GPC6: variants seen among roughly 807,000 people sequenced by gnomAD.
GPC6 encodes glypican 6, also known as glypican-6.
GPC6 carries 14 observed loss-of-function variants against 55.2 expected under a neutral mutation model. The observed-to-expected ratio is 0.25, with a 90% CI of 0.17 to 0.40. The LOEUF (loss-of-function observed/expected upper bound fraction) is 0.40, where lower values mean the gene tolerates loss of function less well. Ranked by LOEUF, GPC6 falls within the 10% of genes least tolerant of loss-of-function variation. The pLI is 1.00. For synonymous variants in GPC6, 278 were observed against 259.6 expected, an observed-to-expected ratio of 1.07 and a Z score of -0.68; for missense variants, 641 against 708.5, an observed-to-expected ratio of 0.90 and a Z score of 1.08.
intron 1 of GPC6, among the ~76,000 whole-genome samples, chr13:93,358,636 G>T (rs953357542): frequency 2.0e-5 from 3 of 152,186 alleles, no homozygotes; most frequent in Non-Finnish European, 4.4e-5. Flanking sequence ...GGAATATGCA[G>T]TCATCAAATT....
intron 1 of GPC6, among the ~76,000 whole-genome samples, chr13:93,472,969 G>A (rs184714657): frequency 7.4e-4 from 112 of 152,306 alleles, no homozygotes; most frequent in Non-Finnish European, 1.2e-3. Flanking sequence ...ACTCAAAGGA[G>A]AGAGGGTAGC....
At chr13:93,566,365 G>A (rs987260922) in intron 2 of GPC6, among the ~76,000 whole-genome samples, 17 of 152,264 alleles carry the variant, frequency 1.1e-4, no homozygotes, top group South Asian at 2.1e-4. Flanking sequence ...TAATGACAAC[G>A]TCAAATAAAT....
chr13:93,769,433 C>CA (rs11423382), intron 2 of GPC6, among the ~76,000 whole-genome samples: 75,211 of 133,452 alleles, frequency 0.56, 21,394 homozygotes, highest in Middle Eastern at 0.74. Context: ...CTGCACGTGA[C>CA]AAAAAAAAAA....
chr13:93,500,712 C>T (rs1419601835), intron 1 of GPC6, among the ~76,000 whole-genome samples: 2 of 152,068 alleles, frequency 1.3e-5, no homozygotes, highest in African/African-American at 4.8e-5. Flanking sequence ...CTTGTTCTTG[C>T]ACCATGAGAG....
At chr13:93,406,395 G>A (rs1876291258) in intron 1 of GPC6, among the ~76,000 whole-genome samples, 1 of 152,154 alleles carries the variant, frequency 6.6e-6, no homozygotes, top group Admixed American at 6.6e-5. Context: ...GCGCCTGGAT[G>A]GAAAATTCAG....
intron 1 of GPC6, among the ~76,000 whole-genome samples, chr13:93,272,714 TAA>T (rs1877578731): frequency 1.3e-5 from 2 of 152,132 alleles, no homozygotes; most frequent in Non-Finnish European, 2.9e-5. Flanking sequence ...AATGAGGTCA[TAA>T]ATATTCATCT....
intron 4 of GPC6, among the ~76,000 whole-genome samples, chr13:94,262,318 A>C (rs1183458036): frequency 6.6e-6 from 1 of 152,168 alleles, no homozygotes; most frequent in Non-Finnish European, 1.5e-5. Context: ...TACCTAGTTC[A>C]GTCAGAGCAA....
intron 6 of GPC6, among the ~76,000 whole-genome samples, chr13:94,374,735 C>T (rs1879755018): frequency 1.4e-5 from 2 of 145,308 alleles, no homozygotes; most frequent in Admixed American, 1.4e-4. Flanking sequence ...CAGAACTCTC[C>T]ACCCCAAATC....
intron 1 of GPC6, among the ~76,000 whole-genome samples, chr13:93,481,484 G>GTTA (rs1237771623): frequency 6.6e-6 from 1 of 151,796 alleles, no homozygotes; most frequent in Non-Finnish European, 1.5e-5. Flanking sequence ...TGTTTCTTTG[G>GTTA]TGTTATAGCT....
intron 4 of GPC6, among the ~76,000 whole-genome samples, chr13:94,107,552 C>T (rs908209628): frequency 6.7e-6 from 1 of 150,218 alleles, no homozygotes; most frequent in Non-Finnish European, 1.5e-5. Flanking sequence ...ATTTCACCAA[C>T]CTTTTTCTTT....
At chr13:93,628,693 A>G (rs1273167675) in intron 2 of GPC6, among the ~76,000 whole-genome samples, 1 of 152,194 alleles carries the variant, frequency 6.6e-6, no homozygotes, top group Non-Finnish European at 1.5e-5. Flanking sequence ...TTTTGTCTCC[A>G]TGCCTTCCCC....
chr13:93,612,467 C>A (rs1002763195), intron 2 of GPC6, among the ~76,000 whole-genome samples: 2 of 149,714 alleles, frequency 1.3e-5, no homozygotes, highest in African/African-American at 4.9e-5. Flanking sequence ...CCACTGCACT[C>A]CAGCCTGGGC....
chr13:93,877,899 C>T (rs1239568961), intron 3 of GPC6, among the ~76,000 whole-genome samples: 1 of 151,900 alleles, frequency 6.6e-6, no homozygotes, highest in East Asian at 1.9e-4. Flanking sequence ...CTATGGGAGA[C>T]TTGAGGAACT....
intron 4 of GPC6, among the ~76,000 whole-genome samples, chr13:94,103,847 A>G (rs9743359): frequency 0.044 from 6,706 of 152,068 alleles, 508 homozygotes; most frequent in African/African-American, 0.15. Flanking sequence ...TGTTCACTCC[A>G]ATGGTAGTTT....
At chr13:93,250,715 T>G (rs954711060) in intron 1 of GPC6, among the ~76,000 whole-genome samples, 7 of 152,168 alleles carry the variant, frequency 4.6e-5, no homozygotes, top group South Asian at 2.1e-4. Flanking sequence ...TTGGTCCAGG[T>G]AGCCCACCAG....
At chr13:93,891,988 A>G (rs1230487864) in intron 3 of GPC6, among the ~76,000 whole-genome samples, 3 of 151,988 alleles carry the variant, frequency 2.0e-5, no homozygotes, top group Admixed American at 6.6e-5. Flanking sequence ...AGTGTATTGT[A>G]TATGTTTTTA....
intron 1 of GPC6, among the ~76,000 whole-genome samples, chr13:93,453,173 C>T (rs1031717623): frequency 6.6e-6 from 1 of 152,164 alleles, no homozygotes; most frequent in Admixed American, 6.5e-5. Flanking sequence ...CTACTGATGG[C>T]GTCGAAGACC....
rs926935335 is a variant in GPC6, at chr13:93,226,920, T to A, written c.-537T>A. The A allele has an allele frequency of 6.6e-6, 1 of 152,670 alleles. No individual in the cohort carries two copies. Among genetic ancestry groups the A allele is most frequent in the African/African-American group, 2.4e-5 (1 of 41,380 alleles). The allele number at this position is 152,670 out of a possible 1,614,324, so 9.5% of individuals were successfully genotyped here. On this transcript the variant is annotated 5_prime_UTR_variant, in exon 1 of 9. Transcript: ENST00000377047. ...GTGTTAAGCTGAGGTTTCCCCTAGA[T>A]CTCGTATATCCCCAACACATACCTC...
chr13:94,164,339 C>A (rs1163472356), intron 4 of GPC6, among the ~76,000 whole-genome samples: 1 of 152,066 alleles, frequency 6.6e-6, no homozygotes. Context: ...TTGTACCCAG[C>A]GAGGTAGATC....
Sources: gnomAD v4.1 joint callset for allele counts (sites outside exome capture counted in the v4.1 genomes callset) on GRCh38, gnomAD v4.1.1 for gene constraint, MANE v1.5 for transcripts, NCBI Gene and HGNC (gene_info 2026-07-23, HGNC 2026-07-21) for gene names.